LNX1: variants seen among roughly 807,000 people sequenced by gnomAD.
LNX1 encodes the protein E3 ubiquitin-protein ligase LNX.
In LNX1, 54 loss-of-function variants were observed where a neutral mutation model predicts 68.4. That is an observed-to-expected ratio of 0.79 (90% CI 0.63 to 0.99). LNX1 has a LOEUF of 0.99. LNX1 is among the 50% of genes least tolerant of loss of function. LNX1 has a pLI of 0.00. For synonymous variants in LNX1, 336 were observed against 350.0 expected (o/e 0.96, Z 0.45); for missense variants, 906 against 926.4 (o/e 0.98, Z 0.29).
intron 2 of LNX1, among the ~76,000 whole-genome samples, chr4:53,519,438 GTTTTTTTTTT>G: frequency 7.8e-6 from 1 of 128,574 alleles, no homozygotes; most frequent in East Asian, 2.4e-4. Context: ...TTTGTTCAGT[GTTTTTTTTTT>G]TTTTTTTTAA....
chr4:53,485,101 AT>A (rs2109430789), intron 6 of LNX1, among the ~76,000 whole-genome samples: 1 of 152,338 alleles, frequency 6.6e-6, no homozygotes, highest in African/African-American at 2.4e-5. Flanking sequence ...TTGGAAGAGT[AT>A]TTTGTAATAG....
intron 2 of LNX1, among the ~76,000 whole-genome samples, chr4:53,526,864 A>G (rs531376959): frequency 6.6e-6 from 1 of 151,996 alleles, no homozygotes; most frequent in Non-Finnish European, 1.5e-5. Flanking sequence ...AAATCTTTGA[A>G]TCTCCAGCAG....
At chr4:53,530,440 ATTATAC>A (rs1043195271) in intron 2 of LNX1, among the ~76,000 whole-genome samples, 3 of 152,236 alleles carry the variant, frequency 2.0e-5, no homozygotes, top group African/African-American at 7.2e-5. Flanking sequence ...GAAGTGCAAC[ATTATAC>A]TTAAAGAATA....
intron 1 of LNX1, among the ~76,000 whole-genome samples, chr4:53,631,040 C>T (rs1734249928): frequency 6.6e-6 from 1 of 152,200 alleles, no homozygotes; most frequent in Non-Finnish European, 1.5e-5. Flanking sequence ...GCAGTAAGTG[C>T]TCCTGGGCCA....
intron 9 of LNX1, among the ~76,000 whole-genome samples, chr4:53,471,813 C>T (rs1425608918): frequency 4.6e-5 from 7 of 152,052 alleles, no homozygotes; most frequent in Admixed American, 3.9e-4. Context: ...ATTAGAATGG[C>T]GATCATTAAA....
intron 6 of LNX1, among the ~76,000 whole-genome samples, chr4:53,486,293 G>A (rs144193893): frequency 0.01 from 1,316 of 126,252 alleles, 12 homozygotes; most frequent in African/African-American, 0.041. Flanking sequence ...TCGGCAGAGC[G>A]CACTACAGCC....
At chr4:53,513,299 T>A (rs1726500689) in intron 2 of LNX1, among the ~76,000 whole-genome samples, 1 of 152,110 alleles carries the variant, frequency 6.6e-6, no homozygotes, top group African/African-American at 2.4e-5. Context: ...CATTTAAGCC[T>A]CCCACTTGTC....
At chr4:53,522,032 C>A (rs1453905300) in intron 2 of LNX1, among the ~76,000 whole-genome samples, 1 of 152,130 alleles carries the variant, frequency 6.6e-6, no homozygotes, top group Non-Finnish European at 1.5e-5. Flanking sequence ...TAGGCACAAG[C>A]AATCCTTCCA....
In LNX1 at chr4:53,573,975, G is replaced by A. The variant is rs113963378; in HGVS notation, c.28C>T (p.Pro10Ser). 161 of 1,613,010 alleles carry A rather than the reference G, an allele frequency of 1.0e-4. 1 individual carries two copies. Among genetic ancestry groups the A allele is most frequent in the Middle Eastern group, 9.9e-4 (6 of 6,054 alleles). MNQPESANDPEPLCAVCGQA... is the reference protein window; with the variant it reads MNQPESANDSEPLCAVCGQA... ...CCACACACTGCACACAGGGGTTCAGGATCGTTGGCAGACTCTGGCTGGTTC... is the reference window on the plus strand; with the variant it reads ...CCACACACTGCACACAGGGGTTCAGAATCGTTGGCAGACTCTGGCTGGTTC... The change falls in exon 2 of 11, where the codon CCT (proline) becomes TCT (serine). Residue 10 changes from proline (P) to serine (S), a missense_variant. Coordinates refer to ENST00000263925, the MANE Select transcript of LNX1 (RefSeq NM_001126328.3).
intron 2 of LNX1, among the ~76,000 whole-genome samples, chr4:53,543,456 A>C (rs1728892237): frequency 6.6e-6 from 1 of 152,216 alleles, no homozygotes; most frequent in South Asian, 2.1e-4. Context: ...CCAGGAATGA[A>C]TGTTTTCTTT....
intron 2 of LNX1, among the ~76,000 whole-genome samples, chr4:53,516,103 A>T (rs897070556): frequency 1.3e-5 from 2 of 152,184 alleles, no homozygotes; most frequent in African/African-American, 4.8e-5. Context: ...TTAGCTGGGC[A>T]TGATGGTGCA....
intron 2 of LNX1, among the ~76,000 whole-genome samples, chr4:53,567,916 G>C (rs1164673279): frequency 2.6e-5 from 4 of 151,934 alleles, no homozygotes; most frequent in African/African-American, 9.7e-5. Flanking sequence ...TAAATTCCTT[G>C]ACACATACAC....
intron 2 of LNX1, among the ~76,000 whole-genome samples, chr4:53,541,059 C>T (rs1357931119): frequency 1.3e-5 from 2 of 151,102 alleles, no homozygotes; most frequent in Admixed American, 1.3e-4. Flanking sequence ...ATCCCTTGAA[C>T]CTGGGCGGCA....
intron 2 of LNX1, among the ~76,000 whole-genome samples, chr4:53,566,429 T>C (rs535458689): frequency 1.3e-5 from 2 of 151,674 alleles, no homozygotes; most frequent in South Asian, 4.2e-4. Flanking sequence ...AAGAAAATAC[T>C]TTACAGACAA....
chr4:53,525,185 A>T (rs1727522572), intron 2 of LNX1, among the ~76,000 whole-genome samples: 2 of 152,074 alleles, frequency 1.3e-5, no homozygotes, highest in Admixed American at 1.3e-4. Flanking sequence ...AAAAAAAATT[A>T]ACTAAAAGCT....
At chr4:53,487,411 G>T (rs575431433) in intron 6 of LNX1, among the ~76,000 whole-genome samples, 2 of 152,212 alleles carry the variant, frequency 1.3e-5, no homozygotes, top group Non-Finnish European at 2.9e-5. Context: ...ATATGCTTAA[G>T]TAAAATGTAT....
chr4:53,466,156 GAA>G (rs11285844), intron 9 of LNX1, among the ~76,000 whole-genome samples: 5 of 151,556 alleles, frequency 3.3e-5, no homozygotes, highest in African/African-American at 1.2e-4. Flanking sequence ...TTTGTTTTAA[GAA>G]AAAAAAAATC....
At chr4:53,648,277 T>C (rs1734965831) in intron 1 of LNX1, among the ~76,000 whole-genome samples, 7 of 152,184 alleles carry the variant, frequency 4.6e-5, no homozygotes. Context: ...TATTTTGGAA[T>C]TTTTTTTAAC....
intron 2 of LNX1, among the ~76,000 whole-genome samples, chr4:53,529,845 A>T (rs17082957): frequency 0.3 from 45,186 of 152,106 alleles, 6,968 homozygotes; most frequent in East Asian, 0.36. Context: ...GGAAATGAAC[A>T]TACACCATCC....
Sources: gnomAD v4.1 joint callset for allele counts (sites outside exome capture counted in the v4.1 genomes callset) on GRCh38, gnomAD v4.1.1 for gene constraint, MANE v1.5 for transcripts, NCBI Gene and HGNC (gene_info 2026-07-23, HGNC 2026-07-21) for gene names.